The following GALNT13 variants were observed in gnomAD, a reference collection of about 807,000 sequenced individuals.
GALNT13 encodes UDP-GalNAc:polypeptide N-acetylgalactosaminyltransferase 13.
A neutral mutation model predicts 64.2 loss-of-function variants in GALNT13; 28 were observed. The observed-to-expected ratio is 0.44, with a 90% CI of 0.32 to 0.60. The LOEUF (loss-of-function observed/expected upper bound fraction) is 0.60, where lower values mean the gene tolerates loss of function less well. Ranked by LOEUF, GALNT13 falls within the 20% of genes least tolerant of loss-of-function variation. The probability of loss-of-function intolerance (pLI) is 0.05; values close to 1 mark genes in which losing one functional copy is unlikely to be tolerated. For missense variants in GALNT13, 577 were observed against 669.8 expected, an observed-to-expected ratio of 0.86 and a Z score of 1.53; for synonymous variants, 214 against 224.6, an observed-to-expected ratio of 0.95 and a Z score of 0.42.
chr2:153,508,239 G>T, the GALNT13 span, among the ~76,000 whole-genome samples: 1 of 152,146 alleles, frequency 6.6e-6, no homozygotes, highest in Non-Finnish European at 1.5e-5. Context: ...ATGTATTCAG[G>T]TTTCTCAGGC....
chr2:153,620,893 G>A, the GALNT13 span, among the ~76,000 whole-genome samples: 1 of 151,810 alleles, frequency 6.6e-6, no homozygotes, highest in African/African-American at 2.4e-5. Context: ...CTTATTTGTA[G>A]CCATCTTTCT....
At chr2:153,302,987 C>G in the GALNT13 span, among the ~76,000 whole-genome samples, 1 of 152,068 alleles carries the variant, frequency 6.6e-6, no homozygotes. Flanking sequence ...GTGATGCCTC[C>G]AGCTTTGTTC....
At chr2:153,468,457 C>G in the GALNT13 span, among the ~76,000 whole-genome samples, 1 of 152,086 alleles carries the variant, frequency 6.6e-6, no homozygotes, top group Non-Finnish European at 1.5e-5. Context: ...TCTCATATAA[C>G]ATACAGATAC....
the GALNT13 span, among the ~76,000 whole-genome samples, chr2:153,628,368 A>C: frequency 1.3e-5 from 2 of 152,100 alleles, no homozygotes; most frequent in Non-Finnish European, 2.9e-5. Context: ...CCTGGCTAGA[A>C]CTTCCAACAC....
chr2:154,242,119 C>A lies in GALNT13; in HGVS notation c.401C>A (p.Thr134Asn). The change falls in exon 5 of 13, where the codon ACT (threonine) becomes AAT (asparagine). Residue 134 changes from threonine to asparagine, a missense_variant. By Grantham distance (65) the Thr-to-Asn change is moderately conservative. Around this residue, in one of 3 missense-constraint regions of GALNT13, gnomAD observed 341 missense variants for 379.3 expected, o/e 0.90. Transcript: ENST00000392825. ...HNEAWSTLLR[T>N]VYSVINRSPH... Reference sequence around the variant, plus strand: ...GAAGCTTGGAGCACTCTCCTTAGAACTGTTTACAGTGTGATAAATCGTTCC... The same window carrying A: ...GAAGCTTGGAGCACTCTCCTTAGAAATGTTTACAGTGTGATAAATCGTTCC... The A allele has an allele frequency of 6.2e-7, 1 of 1,612,758 alleles. No homozygotes were observed. Among genetic ancestry groups the A allele is most frequent in the Non-Finnish European group, 8.5e-7 (1 of 1,178,986 alleles).
chr2:153,912,595 C>G (rs981502039), intron 2 of GALNT13, among the ~76,000 whole-genome samples: 1 of 151,722 alleles, frequency 6.6e-6, no homozygotes, highest in African/African-American at 2.4e-5. Context: ...TTCTTTTATC[C>G]TATTTAATGA....
chr2:154,014,694 G>A (rs559748501), intron 3 of GALNT13, among the ~76,000 whole-genome samples: 82 of 130,696 alleles, frequency 6.3e-4, no homozygotes, highest in Non-Finnish European at 9.8e-4. Flanking sequence ...GTGCAGTGGC[G>A]CAATCTCAGC....
chr2:154,419,111 A>T (rs914355995), intron 11 of GALNT13, among the ~76,000 whole-genome samples: 2 of 152,128 alleles, frequency 1.3e-5, no homozygotes, highest in Non-Finnish European at 2.9e-5. Context: ...AATCCTGCAC[A>T]GGAGTGTTAA....
At chr2:153,792,845 TA>T in the GALNT13 span, among the ~76,000 whole-genome samples, 3 of 152,144 alleles carry the variant, frequency 2.0e-5, no homozygotes, top group African/African-American at 7.2e-5. Context: ...AAAAAAGTCG[TA>T]TTACAAATTT....
At chr2:154,242,675 A>G (rs537023620) in intron 5 of GALNT13, 23 bp from the exon 6 acceptor site, 114 of 1,541,440 alleles carry the variant, frequency 7.4e-5, no homozygotes, top group Middle Eastern at 3.6e-4. Context: ...AATTTTTCTT[A>G]TAAATTCTTA....
At chr2:153,915,666 G>A (rs561748295) in intron 2 of GALNT13, among the ~76,000 whole-genome samples, 12 of 149,006 alleles carry the variant, frequency 8.1e-5, no homozygotes, top group African/African-American at 2.2e-4. Flanking sequence ...ATAGCTCCTA[G>A]ATCATTAGGA....
intron 3 of GALNT13, among the ~76,000 whole-genome samples, chr2:154,097,987 A>G (rs1266546154): frequency 1.3e-5 from 2 of 151,976 alleles, no homozygotes; most frequent in Non-Finnish European, 2.9e-5. Flanking sequence ...ACAGCTAGTC[A>G]GTGGCAGACT....
chr2:154,446,496 C>A, intron 12 of GALNT13: 1 of 1,410,072 alleles, frequency 7.1e-7, no homozygotes, highest in Non-Finnish European at 9.4e-7. Context: ...TTGCATGTTG[C>A]CTAGGATGAT....
At chr2:153,863,748 G>A in the GALNT13 span, among the ~76,000 whole-genome samples, 5 of 151,958 alleles carry the variant, frequency 3.3e-5, no homozygotes, top group African/African-American at 9.7e-5. Context: ...TATATTTAAC[G>A]AAATAATAAC....
intron 2 of GALNT13, among the ~76,000 whole-genome samples, chr2:153,942,829 TAACAGGC>T (rs1215168227): frequency 6.6e-6 from 1 of 152,180 alleles, no homozygotes; most frequent in Non-Finnish European, 1.5e-5. Context: ...AGGTTGGTTA[TAACAGGC>T]AACAGAATTT....
chr2:153,288,089 A>G, the GALNT13 span, among the ~76,000 whole-genome samples: 3 of 152,194 alleles, frequency 2.0e-5, no homozygotes, highest in Non-Finnish European at 2.9e-5. Context: ...AACCCATCAC[A>G]GTTAAAAATG....
the GALNT13 span, among the ~76,000 whole-genome samples, chr2:153,387,128 G>A: frequency 1.1e-4 from 16 of 152,242 alleles, no homozygotes; most frequent in East Asian, 2.7e-3. Flanking sequence ...ATTGGAAAGA[G>A]AAGAAATGAA....
chr2:154,029,162 G>C (rs1698175338), intron 3 of GALNT13, among the ~76,000 whole-genome samples: 4 of 141,952 alleles, frequency 2.8e-5, no homozygotes, highest in Admixed American at 1.5e-4. Context: ...AATATTTATA[G>C]ATATTATACA....
the GALNT13 span, among the ~76,000 whole-genome samples, chr2:153,756,073 T>C: frequency 6.6e-6 from 1 of 152,090 alleles, no homozygotes; most frequent in Non-Finnish European, 1.5e-5. Context: ...GATTATATAG[T>C]ATATTTGAAG....
Sources: gnomAD v4.1 joint callset for allele counts (sites outside exome capture counted in the v4.1 genomes callset) on GRCh38, gnomAD v4.1.1 for gene constraint, gnomAD v4.1.1 regional missense constraint, MANE v1.5 for transcripts, NCBI Gene and HGNC (gene_info 2026-07-23, HGNC 2026-07-21) for gene names.